Variants in TMEM74 observed in about 807,000 individuals in gnomAD.
TMEM74 encodes the protein transmembrane protein 74.
TMEM74 carries 13 observed loss-of-function variants against 18.1 expected under a neutral mutation model. The ratio of observed to expected loss-of-function variants is 0.72; its 90% CI spans 0.47 to 1.14. The LOEUF (loss-of-function observed/expected upper bound fraction) is 1.14. Among genes scored for constraint, TMEM74 ranks in the 50% most tolerant of loss-of-function variants. The pLI is 0.00. For missense variants in TMEM74, 372 were observed against 375.9 expected (o/e 0.99, Z 0.09); for synonymous variants, 159 against 146.6 (o/e 1.08, Z -0.61).
intron 2 of TMEM74, among the ~76,000 whole-genome samples, chr8:108,632,249 T>C (rs1190433128): frequency 2.6e-5 from 4 of 151,970 alleles, no homozygotes; most frequent in African/African-American, 9.7e-5. Flanking sequence ...GGATGGACAG[T>C]AACTAGAGTG....
intron 1 of TMEM74, among the ~76,000 whole-genome samples, chr8:108,685,961 C>A (rs1333194978): frequency 6.6e-6 from 1 of 151,998 alleles, no homozygotes; most frequent in African/African-American, 2.4e-5. Flanking sequence ...TATTGATGTA[C>A]ATATAATAAA....
intron 1 of TMEM74, among the ~76,000 whole-genome samples, chr8:108,741,464 T>C (rs553292034): frequency 1.3e-5 from 2 of 152,304 alleles, no homozygotes; most frequent in East Asian, 1.9e-4. Context: ...TAAGAAGCTA[T>C]AGAGGTTTAT....
At chr8:108,686,170 C>T (rs1813165535) in intron 1 of TMEM74, among the ~76,000 whole-genome samples, 2 of 151,932 alleles carry the variant, frequency 1.3e-5, no homozygotes, top group South Asian at 2.1e-4. Context: ...ACAATGGGAG[C>T]GTAAGTTGGG....
At position 108,784,125 on chromosome 8, in the gene TMEM74, A is replaced by T; in HGVS notation, c.*56T>A. On this transcript the variant is annotated 3_prime_UTR_variant, in exon 2 of 2. Coordinates refer to ENST00000297459, the MANE Select transcript of TMEM74 (RefSeq NM_153015.3). Reference sequence around the variant, plus strand: ...TTGCACTGTGAATTTTTATAAATTAACTTTTTTCATATTATAAAATGCCAA... The same window carrying T: ...TTGCACTGTGAATTTTTATAAATTATCTTTTTTCATATTATAAAATGCCAA... The T allele has an allele frequency of 7.0e-7, 1 of 1,422,696 alleles. No homozygotes were observed. The highest frequency in any genetic ancestry group is 9.4e-7 in the Non-Finnish European group (1 of 1,058,446). 88.1% of individuals were successfully genotyped at this position (1,422,696 alleles called of 1,614,324 possible).
chr8:108,608,030 G>A (rs144373207), intron 3 of TMEM74, among the ~76,000 whole-genome samples: 57 of 152,126 alleles, frequency 3.7e-4, no homozygotes, highest in African/African-American at 1.3e-3. Flanking sequence ...ACGGCCAGGC[G>A]CAGTGGCTCA....
downstream of TMEM74, among the ~76,000 whole-genome samples, chr8:108,775,594 A>G (rs1814224885): frequency 1.3e-5 from 2 of 152,106 alleles, no homozygotes; most frequent in East Asian, 3.9e-4. Context: ...TCTCTTTTTC[A>G]GCTCAACGAT....
chr8:108,635,051 T>A (rs1275254338), intron 2 of TMEM74, among the ~76,000 whole-genome samples: 1 of 151,984 alleles, frequency 6.6e-6, no homozygotes, highest in East Asian at 1.9e-4. Context: ...TCCAGTCCCA[T>A]GCTGCCACAA....
At chr8:108,670,051 A>G (rs1812988073) in intron 1 of TMEM74, among the ~76,000 whole-genome samples, 1 of 151,894 alleles carries the variant, frequency 6.6e-6, no homozygotes, top group South Asian at 2.1e-4. Context: ...AAAAAAAAAA[A>G]AAAAAAGGCA....
intron 1 of TMEM74, among the ~76,000 whole-genome samples, chr8:108,719,027 T>C (rs1304771377): frequency 6.6e-6 from 1 of 151,828 alleles, no homozygotes; most frequent in Non-Finnish European, 1.5e-5. Flanking sequence ...TTTGTATCCT[T>C]GTAGTCACAT....
intron 2 of TMEM74, among the ~76,000 whole-genome samples, chr8:108,622,983 A>G (rs1318151408): frequency 1.3e-5 from 2 of 152,074 alleles, no homozygotes; most frequent in Non-Finnish European, 2.9e-5. Context: ...TTAGAATCAG[A>G]AATCATAAAT....
At chr8:108,729,666 T>G (rs970932853) in intron 1 of TMEM74, among the ~76,000 whole-genome samples, 4 of 152,172 alleles carry the variant, frequency 2.6e-5, no homozygotes, top group African/African-American at 9.7e-5. Flanking sequence ...AGAAGAGAGG[T>G]AAACATTAAT....
At chr8:108,753,958 C>T (rs887030539) in intron 1 of TMEM74, among the ~76,000 whole-genome samples, 1 of 152,090 alleles carries the variant, frequency 6.6e-6, no homozygotes, top group Non-Finnish European at 1.5e-5. Flanking sequence ...TAAAAATTAC[C>T]TGGAGTGTTT....
intron 1 of TMEM74, among the ~76,000 whole-genome samples, chr8:108,695,156 T>C (rs1215289854): frequency 7.2e-6 from 1 of 138,014 alleles, no homozygotes; most frequent in Non-Finnish European, 1.7e-5. Flanking sequence ...GCAACAGTGC[T>C]TTGTGCTGCA....
At chr8:108,621,591 C>T (rs1279224607) in intron 2 of TMEM74, among the ~76,000 whole-genome samples, 1 of 152,084 alleles carries the variant, frequency 6.6e-6, no homozygotes, top group Non-Finnish European at 1.5e-5. Context: ...TGATGGGAGA[C>T]TTGATGGGAA....
At chr8:108,645,065 A>G (rs1812703222) in intron 2 of TMEM74, among the ~76,000 whole-genome samples, 1 of 152,126 alleles carries the variant, frequency 6.6e-6, no homozygotes, top group Non-Finnish European at 1.5e-5. Context: ...TATTCATCAG[A>G]GTACTATTTT....
At chr8:108,618,652 G>T (rs111451343) in intron 2 of TMEM74, among the ~76,000 whole-genome samples, 2 of 152,082 alleles carry the variant, frequency 1.3e-5, no homozygotes, top group Non-Finnish European at 2.9e-5. Context: ...AGGGACTGAC[G>T]CACTGAAAAC....
chr8:108,713,823 A>G (rs1341723103), intron 1 of TMEM74, among the ~76,000 whole-genome samples: 2 of 152,202 alleles, frequency 1.3e-5, no homozygotes, highest in African/African-American at 4.8e-5. Context: ...TGAAAACATC[A>G]AACTCAGTCC....
chr8:108,609,539 T>C (rs1025031159), intron 2 of TMEM74, among the ~76,000 whole-genome samples: 1 of 151,956 alleles, frequency 6.6e-6, no homozygotes, highest in Non-Finnish European at 1.5e-5. Context: ...TCTCAGCTAC[T>C]GGGGAGGCTG....
chr8:108,645,893 G>A (rs1812712581), intron 2 of TMEM74, among the ~76,000 whole-genome samples: 1 of 152,116 alleles, frequency 6.6e-6, no homozygotes, highest in South Asian at 2.1e-4. Flanking sequence ...TTCTTGCTAG[G>A]TGAACACAGG....
Sources: gnomAD v4.1 joint callset for allele counts (sites outside exome capture counted in the v4.1 genomes callset) on GRCh38, gnomAD v4.1.1 for gene constraint, MANE v1.5 for transcripts, NCBI Gene and HGNC (gene_info 2026-07-23, HGNC 2026-07-21) for gene names.